DNTT: variants seen among roughly 807,000 people sequenced by gnomAD.
The protein encoded by DNTT is DNA nucleotidylexotransferase, also known as nucleosidetriphosphate:DNA deoxynucleotidylexotransferase.
In DNTT, 47 loss-of-function variants were observed where a neutral mutation model predicts 60.9. That is an observed-to-expected ratio of 0.77 (90% CI 0.61 to 0.98). The LOEUF (loss-of-function observed/expected upper bound fraction) is 0.98. DNTT is among the 50% of genes least tolerant of loss of function. The pLI, the probability that DNTT is intolerant of heterozygous loss-of-function variation, is 0.00. For missense variants in DNTT, 665 were observed against 627.5 expected, an observed-to-expected ratio of 1.06 and a Z score of -0.64; for synonymous variants, 224 against 221.2, an observed-to-expected ratio of 1.01 and a Z score of -0.11.
chr10:96,323,001 G>T (rs1184583825), intron 5 of DNTT, among the ~76,000 whole-genome samples: 1 of 152,142 alleles, frequency 6.6e-6, no homozygotes, highest in Non-Finnish European at 1.5e-5. Flanking sequence ...CAATCTTTCT[G>T]GTGTCACAAA....
At chr10:96,312,679 A>C (rs1374454816) in intron 1 of DNTT, among the ~76,000 whole-genome samples, 2 of 152,210 alleles carry the variant, frequency 1.3e-5, no homozygotes, top group Admixed American at 1.3e-4. Context: ...TTTTGGGATC[A>C]CTGGTTATGC....
intron 9 of DNTT, among the ~76,000 whole-genome samples, chr10:96,334,495 T>C (rs1286550630): frequency 6.6e-6 from 1 of 152,170 alleles, no homozygotes; most frequent in Non-Finnish European, 1.5e-5. Flanking sequence ...AGGTAGCTGG[T>C]TGTTGCTTTG....
intron 1 of DNTT, among the ~76,000 whole-genome samples, chr10:96,305,371 G>A (rs919092428): frequency 5.9e-5 from 9 of 152,194 alleles, no homozygotes; most frequent in African/African-American, 2.2e-4. Flanking sequence ...GGACCACCTA[G>A]ATTGGTTCAC....
Position 96,327,565 on chromosome 10 carries a change from G to A in DNTT, c.972G>A (p.Pro324=), listed in dbSNP as rs749469183. The part of the protein sequence containing the change: ...LVKEAVWAFL[P]DAFVTMTGGF... ...AAGAGGCTGTCTGGGCATTTCTTCCGGATGCTTTCGTCACCATGACAGGAG... is the reference window on the plus strand; with the variant it reads ...AAGAGGCTGTCTGGGCATTTCTTCCAGATGCTTTCGTCACCATGACAGGAG... The change falls in exon 7 of 11, where the codon CCG becomes CCA. Residue 324 remains proline (P), a synonymous_variant. Coordinates refer to ENST00000371174, the MANE Select transcript of DNTT (RefSeq NM_004088.4). 1.1e-5 allele frequency: 18 copies of A among 1,613,856 alleles called. No homozygotes were observed. The African/African-American group carries it at 2.0e-4, about 18-fold the overall frequency.
In DNTT at chr10:96,332,332, C is replaced by A. The variant is rs771524894; in HGVS notation, c.1114-19C>A. 1.1e-5 allele frequency: 17 copies of A among 1,608,830 alleles called. No homozygotes were observed. The highest frequency in any genetic ancestry group is 3.4e-5 in the Admixed American group (2 of 59,630). ...TCTTCATCAGGGCCTTTTCCTGATG[C>A]CATTCTGTTTCTTTTCAGGGATTAC... On this transcript the variant is annotated intron_variant, in intron 8 of 10. Coordinates refer to ENST00000371174, the MANE Select transcript of DNTT (RefSeq NM_004088.4).
intron 1 of DNTT, among the ~76,000 whole-genome samples, chr10:96,310,287 T>G (rs941346473): frequency 2.6e-5 from 4 of 152,270 alleles, no homozygotes; most frequent in African/African-American, 9.6e-5. Context: ...TGTCCAGCTT[T>G]GTTAATCTTT....
chr10:96,317,651 A>G (rs1250187344), intron 1 of DNTT, among the ~76,000 whole-genome samples: 1 of 152,114 alleles, frequency 6.6e-6, no homozygotes. Context: ...TAATGTCCTT[A>G]AAAAAGAGGC....
At chr10:96,333,686 A>C (rs1198752748) in intron 9 of DNTT, among the ~76,000 whole-genome samples, 1 of 152,262 alleles carries the variant, frequency 6.6e-6, no homozygotes, top group African/African-American at 2.4e-5. Flanking sequence ...AACCTAGAGG[A>C]CATTATGTTA....
chr10:96,327,677 G>A (rs944509054), intron 7 of DNTT, 77 bp downstream of exon 7: 17 of 1,536,630 alleles, frequency 1.1e-5, no homozygotes, highest in Middle Eastern at 4.9e-4. Context: ...CATCTGAAAC[G>A]GCACAAAAGG....
intron 4 of DNTT, among the ~76,000 whole-genome samples, chr10:96,321,739 C>T (rs1844883031): frequency 6.6e-6 from 1 of 152,150 alleles, no homozygotes; most frequent in Admixed American, 6.5e-5. Context: ...GTGATAACTC[C>T]TGGACCATCA....
At chr10:96,327,626 C>A (rs753199051) in intron 7 of DNTT, 26 bp downstream of exon 7, 5 of 1,599,076 alleles carry the variant, frequency 3.1e-6, no homozygotes, top group Admixed American at 1.7e-5. Context: ...GGCTTTGCCT[C>A]CTCTGCCCGA....
At chr10:96,325,977 T>A (rs1844934599) in intron 6 of DNTT, among the ~76,000 whole-genome samples, 1 of 152,252 alleles carries the variant, frequency 6.6e-6, no homozygotes, top group African/African-American at 2.4e-5. Flanking sequence ...TTTAACCTTA[T>A]ACTGTGTGAT....
chr10:96,319,437 G>C (rs1301752782), intron 3 of DNTT, 47 bp downstream of exon 3: 26 of 1,599,076 alleles, frequency 1.6e-5, no homozygotes, highest in Non-Finnish European at 2.1e-5. Flanking sequence ...AGGGCTTGCA[G>C]CTTCTTTCTG....
intron 10 of DNTT, 101 bp downstream of exon 10, chr10:96,336,075 C>T (rs1845065692): frequency 2.6e-6 from 3 of 1,133,860 alleles, no homozygotes; most frequent in Non-Finnish European, 4.0e-6. Flanking sequence ...GTATGGTTTC[C>T]TTTGTCATGC....
chr10:96,322,606 C>A, intron 4 of DNTT, 51 bp from the exon 5 acceptor site: 1 of 1,458,908 alleles, frequency 6.9e-7, no homozygotes, highest in Non-Finnish European at 9.5e-7. Context: ...GAGTCTTAGA[C>A]AGTAATTGTC....
chr10:96,328,658 G>A (rs1844967811), intron 7 of DNTT, 67 bp from the exon 8 acceptor site: 1 of 1,510,282 alleles, frequency 6.6e-7, no homozygotes, highest in Admixed American at 1.9e-5. Flanking sequence ...TAGAAACAAA[G>A]GTGATTTTTT....
intron 1 of DNTT, among the ~76,000 whole-genome samples, chr10:96,317,798 A>G (rs1369989410): frequency 6.6e-6 from 1 of 152,154 alleles, no homozygotes; most frequent in Non-Finnish European, 1.5e-5. Context: ...TGTGAGCAAT[A>G]AGTTTCTGTT....
intron 1 of DNTT, among the ~76,000 whole-genome samples, chr10:96,311,697 G>A (rs991706079): frequency 8.5e-5 from 13 of 152,226 alleles, no homozygotes; most frequent in African/African-American, 3.1e-4. Context: ...AGGCTGGAGT[G>A]CAGTGGCACG....
Position 96,328,806 on chromosome 10 carries a change from A to G in DNTT, c.1089A>G (p.Lys363=). 4 of 1,613,600 alleles carry G rather than the reference A, an allele frequency of 2.5e-6. No individual in the cohort carries two copies. Among genetic ancestry groups the G allele is most frequent in the Non-Finnish European group, 3.4e-6 (4 of 1,179,838 alleles). ...STEDEEQLLQ[K]VMNLWEKKGL... ...AGGATGAAGAGCAACTTTTACAGAAAGTGATGAACTTATGGGAAAAGAAGG... is the reference window on the plus strand; with the variant it reads ...AGGATGAAGAGCAACTTTTACAGAAGGTGATGAACTTATGGGAAAAGAAGG... The change falls in exon 8 of 11, where the codon AAA becomes AAG. Residue 363 remains lysine (K), a synonymous_variant. Transcript: ENST00000371174.
Sources: gnomAD v4.1 joint callset for allele counts (sites outside exome capture counted in the v4.1 genomes callset) on GRCh38, gnomAD v4.1.1 for gene constraint, MANE v1.5 for transcripts, NCBI Gene and HGNC (gene_info 2026-07-23, HGNC 2026-07-21) for gene names.